The following GRID1 variants were observed in gnomAD, a reference collection of about 807,000 sequenced individuals.
The protein encoded by GRID1 is glutamate ionotropic receptor delta type subunit 1, also known as glutamate receptor ionotropic, delta-1.
A neutral mutation model predicts 98.0 loss-of-function variants in GRID1; 28 were observed. The observed-to-expected ratio is 0.29, with a 90% CI of 0.21 to 0.39. GRID1 has a LOEUF of 0.39. GRID1 is among the 10% of genes least tolerant of loss of function. GRID1 has a pLI of 1.00. For missense variants in GRID1, 1,111 were observed against 1,340.5 expected (o/e 0.83, Z 2.67); for synonymous variants, 553 against 538.5 (o/e 1.03, Z -0.37).
chr10:86,142,959 G>A (rs144309173), intron 3 of GRID1, among the ~76,000 whole-genome samples: 14 of 152,352 alleles, frequency 9.2e-5, no homozygotes, highest in East Asian at 7.7e-4. Flanking sequence ...ACATGCAAAC[G>A]GGAGGACATA....
At chr10:85,953,527 G>A (rs761697851) in intron 4 of GRID1, among the ~76,000 whole-genome samples, 1 of 152,194 alleles carries the variant, frequency 6.6e-6, no homozygotes, top group Non-Finnish European at 1.5e-5. Context: ...AAGGTCAACT[G>A]TAATTGCTAG....
At chr10:85,951,850 C>T (rs1398510402) in intron 4 of GRID1, among the ~76,000 whole-genome samples, 3 of 152,332 alleles carry the variant, frequency 2.0e-5, no homozygotes, top group Admixed American at 6.5e-5. Flanking sequence ...ATGGCCAATG[C>T]TGCTGGAGAA....
intron 12 of GRID1, among the ~76,000 whole-genome samples, chr10:85,694,785 T>C (rs572413160): frequency 2.3e-5 from 3 of 132,322 alleles, no homozygotes; most frequent in African/African-American, 8.7e-5. Context: ...AGTGAAATAA[T>C]AGACACTAGA....
intron 12 of GRID1, among the ~76,000 whole-genome samples, chr10:85,687,420 T>C (rs978404949): frequency 2.6e-5 from 4 of 152,154 alleles, no homozygotes; most frequent in Admixed American, 6.5e-5. Flanking sequence ...GTAATTGTTA[T>C]TTTTTAAAAT....
At chr10:85,881,776 G>A (rs1841030793) in intron 5 of GRID1, among the ~76,000 whole-genome samples, 1 of 152,066 alleles carries the variant, frequency 6.6e-6, no homozygotes, top group African/African-American at 2.4e-5. Context: ...TGACAAATGG[G>A]ATCTAATTAA....
chr10:86,178,634 CAG>C (rs1589399699), intron 3 of GRID1, among the ~76,000 whole-genome samples: 1 of 152,162 alleles, frequency 6.6e-6, no homozygotes, highest in Non-Finnish European at 1.5e-5. Flanking sequence ...GTTCTACACA[CAG>C]AGAACTACGG....
At chr10:86,048,123 C>T (rs1168723270) in intron 4 of GRID1, among the ~76,000 whole-genome samples, 1 of 152,094 alleles carries the variant, frequency 6.6e-6, no homozygotes, top group Non-Finnish European at 1.5e-5. Context: ...TCCAGATGCC[C>T]AGTGAAGAAG....
intron 2 of GRID1, among the ~76,000 whole-genome samples, chr10:86,324,193 G>T (rs957645106): frequency 8.6e-5 from 13 of 151,998 alleles, no homozygotes; most frequent in Non-Finnish European, 1.5e-4. Context: ...AAAAAAATTG[G>T]TTTTTATTAA....
intron 4 of GRID1, among the ~76,000 whole-genome samples, chr10:85,928,359 G>C (rs1841804241): frequency 6.6e-6 from 1 of 152,206 alleles, no homozygotes; most frequent in Admixed American, 6.5e-5. Flanking sequence ...ACAGGGATAG[G>C]GCAAGGGCTT....
chr10:86,281,915 A>G (rs974551173), intron 2 of GRID1, among the ~76,000 whole-genome samples: 10 of 152,104 alleles, frequency 6.6e-5, no homozygotes, highest in Non-Finnish European at 1.5e-5. Flanking sequence ...CTGCTCAGGG[A>G]GGGGGCCTCC....
intron 4 of GRID1, among the ~76,000 whole-genome samples, chr10:86,027,715 G>T (rs148751300): frequency 6.6e-6 from 1 of 152,166 alleles, no homozygotes; most frequent in South Asian, 2.1e-4. Context: ...CACAGCTGAC[G>T]GCTTCCAGTC....
chr10:86,296,780 TAC>T (rs999019550), intron 2 of GRID1, among the ~76,000 whole-genome samples: 3 of 118,022 alleles, frequency 2.5e-5, no homozygotes, highest in Non-Finnish European at 5.6e-5. Flanking sequence ...CATGCATACA[TAC>T]ACACATACAT....
chr10:85,927,407 G>T (rs935849812), intron 4 of GRID1, among the ~76,000 whole-genome samples: 1 of 152,082 alleles, frequency 6.6e-6, no homozygotes, highest in Non-Finnish European at 1.5e-5. Context: ...AGTCAACAGG[G>T]TCTTCTGCCA....
chr10:85,604,611 A>T (rs1276782755), intron 15 of GRID1, among the ~76,000 whole-genome samples: 1 of 152,194 alleles, frequency 6.6e-6, no homozygotes. Flanking sequence ...TACTTGTCCC[A>T]GCTAAATTAT....
intron 12 of GRID1, among the ~76,000 whole-genome samples, chr10:85,706,363 T>C (rs1442342580): frequency 6.6e-6 from 1 of 152,178 alleles, no homozygotes; most frequent in African/African-American, 2.4e-5. Flanking sequence ...CCATTCACAA[T>C]TGCTTCAAAG....
chr10:85,958,044 C>T (rs2131847386), intron 4 of GRID1, among the ~76,000 whole-genome samples: 1 of 152,324 alleles, frequency 6.6e-6, no homozygotes, highest in South Asian at 2.1e-4. Context: ...GATGGCAAAA[C>T]CCAGCAAGTG....
At position 85,821,535 on chromosome 10, in the gene GRID1, A is replaced by AC. The variant is rs1403695016; in HGVS notation, c.1233+32960_1233+32961insG. Reference sequence around the variant, plus strand: ...TCATCTCAAAAAAAAAAAAAAAAAAAAAAAAAAAAAGAAAACAGATCAATA... The same window carrying AC: ...TCATCTCAAAAAAAAAAAAAAAAAAACAAAAAAAAAAGAAAACAGATCAATA... On this transcript the variant is annotated intron_variant, in intron 8 of 15. Coordinates refer to ENST00000327946, the MANE Select transcript of GRID1 (RefSeq NM_017551.3). Among the ~76,000 whole-genome samples the AC allele has an allele frequency of 8.2e-3, 732 of 89,694 alleles. 61 individuals carry two copies. Among genetic ancestry groups the AC allele is most frequent in the African/African-American group, 0.031 (691 of 22,178 alleles). The allele number at this position is 89,694 out of a possible 152,430, so 58.8% of individuals were successfully genotyped here. A position where few individuals can be genotyped will look rare whatever the true frequency, so the allele number is the denominator to read the frequency against.
At chr10:85,722,981 G>C (rs969114431) in intron 12 of GRID1, 22 bp downstream of exon 12, 1 of 1,598,208 alleles carries the variant, frequency 6.3e-7, no homozygotes, top group African/African-American at 1.3e-5. Context: ...GCTGGCTCCA[G>C]ATCAAGGAGG....
chr10:86,032,265 G>T (rs1056888947), intron 4 of GRID1, among the ~76,000 whole-genome samples: 1 of 152,006 alleles, frequency 6.6e-6, no homozygotes, highest in South Asian at 2.1e-4. Flanking sequence ...GCCTCTGCCC[G>T]GCCACCCCGT....
Sources: allele counts gnomAD v4.1 joint callset (sites outside exome capture counted in the v4.1 genomes callset), GRCh38; gene constraint gnomAD v4.1.1; transcripts MANE v1.5; gene names NCBI Gene and HGNC (gene_info 2026-07-23, HGNC 2026-07-21).